The following ZFHX3 variants were observed in gnomAD, a reference collection of about 807,000 sequenced individuals.
ZFHX3 encodes the protein zinc finger homeobox protein 3.
Under a neutral mutation model 279.1 loss-of-function variants are expected in ZFHX3, and 42 were observed. That is an observed-to-expected ratio of 0.15 (90% confidence interval 0.12 to 0.19). The LOEUF (loss-of-function observed/expected upper bound fraction) is 0.19. ZFHX3 is among the 10% of genes least tolerant of loss of function. The pLI is 1.00. For synonymous variants in ZFHX3, 2,293 were observed against 1,957.8 expected (o/e 1.17, Z -4.52); for missense variants, 4,981 against 4,754.0 (o/e 1.05, Z -1.40).
chr16:73,767,385 G>A (rs1163309142), intron 1 of ZFHX3, among the ~76,000 whole-genome samples: 1 of 152,188 alleles, frequency 6.6e-6, no homozygotes, highest in African/African-American at 2.4e-5. Flanking sequence ...ATTTGGATTT[G>A]AGGAAAAGTG....
chr16:73,035,652 G>A (rs529290968), intron 1 of ZFHX3, among the ~76,000 whole-genome samples: 9 of 152,350 alleles, frequency 5.9e-5, no homozygotes, highest in African/African-American at 7.2e-5. Flanking sequence ...TTGGGAGGCC[G>A]AGGCAGGTGG....
intron 2 of ZFHX3, among the ~76,000 whole-genome samples, chr16:73,586,421 CAAA>C: frequency 7.0e-6 from 1 of 142,754 alleles, no homozygotes; most frequent in South Asian, 2.2e-4. Flanking sequence ...AACAAACAAA[CAAA>C]CAAAAAAACA....
intron 1 of ZFHX3, among the ~76,000 whole-genome samples, chr16:73,687,018 ATATATATATATATATATATATAT>A (rs2053093320): frequency 5.9e-5 from 1 of 16,844 alleles, no homozygotes; most frequent in African/African-American, 3.1e-4. Flanking sequence ...CTAAATATAT[ATATATATATATATATATATATAT>A]ATATATATAT....
chr16:73,418,735 G>C (rs1027552925), intron 3 of ZFHX3, among the ~76,000 whole-genome samples: 2 of 152,172 alleles, frequency 1.3e-5, no homozygotes, highest in Admixed American at 6.5e-5. Context: ...TTTGGTTGTG[G>C]CTGTTTCCTT....
rs139241735 is a variant in ZFHX3 at position 73,042,251 on chromosome 16, C to T, written c.-50+5501G>A. Among the ~76,000 whole-genome samples, 230 of 152,200 alleles carry T rather than the reference C, an allele frequency of 1.5e-3. 1 individual carries two copies. Among genetic ancestry groups the T allele is most frequent in the African/African-American group, 5.0e-3 (207 of 41,518 alleles). On this transcript the variant is annotated intron_variant, in intron 1 of 9. Transcript: ENST00000268489. The stretch of plus-strand genomic sequence containing the variant: ...TTAAGCCCCTTGGTCTTTCTGCACT[C>T]GGCTAATCTGCCTCCTGCCTCTCCA...
At chr16:72,943,150 G>T (rs189900464) in intron 3 of ZFHX3, among the ~76,000 whole-genome samples, 1 of 152,316 alleles carries the variant, frequency 6.6e-6, no homozygotes, top group Non-Finnish European at 1.5e-5. Flanking sequence ...AGCAATCGTT[G>T]TACAGCTAGC....
At chr16:73,496,965 C>G (rs1360981977) in intron 2 of ZFHX3, among the ~76,000 whole-genome samples, 1 of 152,192 alleles carries the variant, frequency 6.6e-6, no homozygotes, top group Admixed American at 6.5e-5. Context: ...GGTTTCTGGG[C>G]TCTGTCCCAC....
At chr16:73,856,379 T>C (rs1961727525) in intron 1 of ZFHX3, among the ~76,000 whole-genome samples, 1 of 152,238 alleles carries the variant, frequency 6.6e-6, no homozygotes, top group Admixed American at 6.5e-5. Flanking sequence ...AACAGTTCTA[T>C]GGTATTCAAA....
intron 2 of ZFHX3, among the ~76,000 whole-genome samples, chr16:73,612,981 A>T (rs2052262783): frequency 6.6e-6 from 1 of 152,224 alleles, no homozygotes; most frequent in Non-Finnish European, 1.5e-5. Flanking sequence ...TTTATTATTC[A>T]TTCTGAGAGA....
At chr16:73,210,744 T>A (rs2011982590) in intron 5 of ZFHX3, among the ~76,000 whole-genome samples, 1 of 152,152 alleles carries the variant, frequency 6.6e-6, no homozygotes, top group African/African-American at 2.4e-5. Context: ...CTCAGAGTCA[T>A]GAGGCTCCTC....
chr16:73,458,966 GGA>G (rs1175219931), intron 2 of ZFHX3, among the ~76,000 whole-genome samples: 2 of 152,122 alleles, frequency 1.3e-5, no homozygotes, highest in Non-Finnish European at 2.9e-5. Flanking sequence ...CCTAATTACT[GGA>G]GTTAATGAAA....
At chr16:73,311,569 G>C (rs1199992541) in intron 4 of ZFHX3, among the ~76,000 whole-genome samples, 1 of 126,904 alleles carries the variant, frequency 7.9e-6, no homozygotes, top group Non-Finnish European at 1.6e-5. Flanking sequence ...CAGCCTGGGC[G>C]ACAGAGACAT....
intron 1 of ZFHX3, among the ~76,000 whole-genome samples, chr16:73,010,366 G>A (rs767296259): frequency 3.0e-4 from 46 of 152,290 alleles, no homozygotes; most frequent in African/African-American, 9.1e-4. Context: ...AACAAAAGAC[G>A]GATGACAGGA....
At chr16:73,269,851 C>T (rs2014091798) in intron 4 of ZFHX3, among the ~76,000 whole-genome samples, 1 of 151,864 alleles carries the variant, frequency 6.6e-6, no homozygotes, top group South Asian at 2.1e-4. Flanking sequence ...TGAGTTCAAG[C>T]GATTCTCCTG....
At chr16:73,841,091 A>G (rs1429418313) in intron 1 of ZFHX3, among the ~76,000 whole-genome samples, 2 of 152,198 alleles carry the variant, frequency 1.3e-5, no homozygotes, top group Non-Finnish European at 2.9e-5. Flanking sequence ...GGGAAAATCC[A>G]AGCGGAGAAA....
At chr16:72,840,686 C>T (rs1188319809) in intron 4 of ZFHX3, among the ~76,000 whole-genome samples, 1 of 152,212 alleles carries the variant, frequency 6.6e-6, no homozygotes, top group Non-Finnish European at 1.5e-5. Context: ...TGAAGAATCT[C>T]TAACCTATTC....
At chr16:73,391,451 CA>C (rs111841761) in intron 3 of ZFHX3, among the ~76,000 whole-genome samples, 21 of 147,854 alleles carry the variant, frequency 1.4e-4, no homozygotes, top group South Asian at 4.3e-4. Context: ...AACTCTGTCT[CA>C]AAAAAAAAAA....
intron 2 of ZFHX3, among the ~76,000 whole-genome samples, chr16:73,479,054 A>C (rs2018819063): frequency 6.6e-6 from 1 of 152,116 alleles, no homozygotes; most frequent in African/African-American, 2.4e-5. Flanking sequence ...TCCATCTCAA[A>C]AACAAAACAA....
chr16:72,875,481 C>CT (rs1295345295), intron 4 of ZFHX3, among the ~76,000 whole-genome samples: 2 of 152,210 alleles, frequency 1.3e-5, no homozygotes, highest in African/African-American at 4.8e-5. Context: ...ACACAGCCTG[C>CT]TAGAGGCCAG....
Sources: gnomAD v4.1 joint callset for allele counts (sites outside exome capture counted in the v4.1 genomes callset) on GRCh38, gnomAD v4.1.1 for gene constraint, MANE v1.5 for transcripts, NCBI Gene and HGNC (gene_info 2026-07-23, HGNC 2026-07-21) for gene names.